Variants in LDAH observed in about 807,000 individuals in gnomAD.
The protein encoded by LDAH is lipid droplet associated hydrolase.
Under a neutral mutation model 29.6 loss-of-function variants are expected in LDAH, and 26 were observed. That is an observed-to-expected ratio of 0.88 (90% CI 0.64 to 1.22). The LOEUF (loss-of-function observed/expected upper bound fraction) is 1.22. Among genes scored for constraint, LDAH ranks in the 50% most tolerant of loss-of-function variants. The pLI is 0.00. For missense variants in LDAH, 344 were observed against 387.3 expected, an observed-to-expected ratio of 0.89 and a Z score of 0.94; for synonymous variants, 117 against 133.0, an observed-to-expected ratio of 0.88 and a Z score of 0.83.
At chr2:20,788,860 T>A in intron 3 of LDAH, 1 of 329,546 alleles carries the variant, frequency 3.0e-6, no homozygotes, top group Non-Finnish European at 5.6e-6. Context: ...TATATTTAAG[T>A]TATTTTTTCT....
intron 3 of LDAH, among the ~76,000 whole-genome samples, chr2:20,785,711 A>AT (rs1670498369): frequency 6.6e-6 from 1 of 151,892 alleles, no homozygotes; most frequent in South Asian, 2.1e-4. Context: ...TTTATAAATT[A>AT]TTTTTTTCTC....
intron 4 of LDAH, among the ~76,000 whole-genome samples, chr2:20,748,996 GA>G (rs374071763): frequency 3.3e-4 from 50 of 152,312 alleles, no homozygotes; most frequent in African/African-American, 1.2e-3. Flanking sequence ...GCATGACTGG[GA>G]GGGGGAGCCA....
chr2:20,801,934 G>C lies in LDAH; in HGVS notation c.-2-469C>G, dbSNP rs902503480. On this transcript the variant is annotated intron_variant, in intron 1 of 6. Coordinates refer to ENST00000237822, the MANE Select transcript of LDAH (RefSeq NM_021925.4). ...TCTTCTCTTCTCCCAAATTCTATGT[G>C]TGTGTGTGTGTGTGTGTGTGTGTAT... 1.6e-3 allele frequency among the ~76,000 whole-genome samples: 226 copies of C among 141,838 alleles called. 2 individuals are homozygous for C. The highest frequency in any genetic ancestry group is 6.3e-3 in the African/African-American group (212 of 33,488). 93.1% of individuals were successfully genotyped at this position (141,838 alleles called of 152,430 possible).
At chr2:20,712,669 T>C (rs1489103720) in intron 5 of LDAH, among the ~76,000 whole-genome samples, 1 of 152,088 alleles carries the variant, frequency 6.6e-6, no homozygotes, top group Non-Finnish European at 1.5e-5. Context: ...CTAACTAGAA[T>C]AAACAGTGTA....
intron 5 of LDAH, among the ~76,000 whole-genome samples, chr2:20,710,664 T>C (rs1489743730): frequency 7.4e-6 from 1 of 135,592 alleles, no homozygotes; most frequent in Non-Finnish European, 1.6e-5. Context: ...TATACACATA[T>C]ATATTATACA....
In LDAH at chr2:20,814,216, G is replaced by T. The variant is rs914754542; in HGVS notation, c.-3+8821C>A. Among the ~76,000 whole-genome samples the T allele has an allele frequency of 4.5e-5, 5 of 111,408 alleles. No individual in the cohort carries two copies. The East Asian group carries it at 1.6e-3, about 36-fold the overall frequency. 73.1% of individuals were successfully genotyped at this position (111,408 alleles called of 152,430 possible). On this transcript the variant is annotated intron_variant, in intron 1 of 6. Coordinates refer to ENST00000237822, the MANE Select transcript of LDAH (RefSeq NM_021925.4). The stretch of plus-strand genomic sequence containing the variant: ...TTTTAATCACAATGTTATACTGTCA[G>T]TGAGTCTGACAATGGGGGGGGGGGG...
intron 3 of LDAH, chr2:20,789,123 C>A (rs1176938953): frequency 1.3e-6 from 2 of 1,550,234 alleles, no homozygotes; most frequent in East Asian, 4.9e-5. Flanking sequence ...GCCCTAAATC[C>A]AAATTTTATT....
intron 2 of LDAH, 102 bp from the exon 3 acceptor site, chr2:20,790,500 T>C: frequency 1.0e-6 from 1 of 955,580 alleles, no homozygotes; most frequent in Non-Finnish European, 1.6e-6. Flanking sequence ...CACACTTTCC[T>C]CTGAATTCTT....
chr2:20,766,330 T>C (rs1033504752), intron 4 of LDAH, among the ~76,000 whole-genome samples: 2 of 152,230 alleles, frequency 1.3e-5, no homozygotes. Flanking sequence ...CTTGGTCATA[T>C]GATTTGCTCT....
intron 3 of LDAH, among the ~76,000 whole-genome samples, chr2:20,789,663 C>G (rs1670810495): frequency 6.6e-6 from 1 of 152,146 alleles, no homozygotes; most frequent in African/African-American, 2.4e-5. Flanking sequence ...AAAAGGGGTT[C>G]CCAACCCCTG....
intron 4 of LDAH, among the ~76,000 whole-genome samples, chr2:20,748,417 A>G (rs1259647593): frequency 6.6e-6 from 1 of 152,226 alleles, no homozygotes; most frequent in Non-Finnish European, 1.5e-5. Context: ...ACTTAGCTTC[A>G]ATATCTTCCT....
At chr2:20,797,817 T>C (rs1226183307) in intron 2 of LDAH, among the ~76,000 whole-genome samples, 3 of 151,804 alleles carry the variant, frequency 2.0e-5, no homozygotes, top group Non-Finnish European at 4.4e-5. Context: ...CCATTAAACA[T>C]GAGACTACAA....
chr2:20,793,601 C>A (rs891045629), intron 2 of LDAH, among the ~76,000 whole-genome samples: 2 of 152,040 alleles, frequency 1.3e-5, no homozygotes, highest in Admixed American at 6.6e-5. Context: ...TCATGTGATA[C>A]CTTTTGGGCC....
At chr2:20,721,048 A>G (rs1665612322) in intron 5 of LDAH, among the ~76,000 whole-genome samples, 1 of 152,154 alleles carries the variant, frequency 6.6e-6, no homozygotes, top group Non-Finnish European at 1.5e-5. Context: ...GGGGAATGCT[A>G]CAGGACATTG....
chr2:20,760,035 T>C (rs1572566199), intron 4 of LDAH, among the ~76,000 whole-genome samples: 1 of 152,362 alleles, frequency 6.6e-6, no homozygotes, highest in Non-Finnish European at 1.5e-5. Flanking sequence ...ACCTGTGATT[T>C]TGTTATTACA....
intron 3 of LDAH, among the ~76,000 whole-genome samples, chr2:20,789,710 G>C (rs1421240112): frequency 6.6e-6 from 1 of 152,178 alleles, no homozygotes; most frequent in Non-Finnish European, 1.5e-5. Flanking sequence ...CACAGATGAA[G>C]GTGTGCGACG....
intron 3 of LDAH, among the ~76,000 whole-genome samples, chr2:20,786,822 G>A (rs147949800): frequency 4.6e-5 from 7 of 152,240 alleles, no homozygotes; most frequent in East Asian, 3.9e-4. Flanking sequence ...AGGGGAAGAC[G>A]GAGTTGGCTA....
intron 2 of LDAH, among the ~76,000 whole-genome samples, chr2:20,794,302 G>A (rs1671166884): frequency 6.6e-6 from 1 of 152,116 alleles, no homozygotes; most frequent in Non-Finnish European, 1.5e-5. Flanking sequence ...ACAACACGTG[G>A]AAATTGTGGG....
At chr2:20,755,129 T>TTGTGTGTGTGTGTGTGTGTG (rs70939051) in intron 4 of LDAH, among the ~76,000 whole-genome samples, 1 of 118,210 alleles carries the variant, frequency 8.5e-6, no homozygotes, top group African/African-American at 3.6e-5. Context: ...GTGTCTGTGT[T>TTGTGTGTGTGTGTGTGTGTG]TGTGTGTGTG....
Sources: gnomAD v4.1 joint callset for allele counts (sites outside exome capture counted in the v4.1 genomes callset) on GRCh38, gnomAD v4.1.1 for gene constraint, MANE v1.5 for transcripts, NCBI Gene and HGNC (gene_info 2026-07-23, HGNC 2026-07-21) for gene names.